MYRIP: variants seen among roughly 807,000 people sequenced by gnomAD.
The protein encoded by MYRIP is myosin VIIA and Rab interacting protein, also known as rab effector MyRIP.
In MYRIP, 49 loss-of-function variants were observed where a neutral mutation model predicts 98.0. The observed-to-expected ratio is 0.50, with a 90% CI of 0.40 to 0.63. The LOEUF is 0.63. MYRIP is among the 30% of genes least tolerant of loss of function. The pLI is 0.00. For missense variants in MYRIP, 1,004 were observed against 1,058.2 expected (o/e 0.95, Z 0.71); for synonymous variants, 404 against 409.5 (o/e 0.99, Z 0.16).
chr3:39,815,906 A>G (rs903200498), intron 1 of MYRIP, among the ~76,000 whole-genome samples: 1 of 140,986 alleles, frequency 7.1e-6, no homozygotes, highest in Non-Finnish European at 1.6e-5. Flanking sequence ...TTTTTCAATT[A>G]TGCTTATGTT....
At chr3:39,966,290 C>A (rs1415340975) in intron 2 of MYRIP, among the ~76,000 whole-genome samples, 1 of 152,102 alleles carries the variant, frequency 6.6e-6, no homozygotes, top group Non-Finnish European at 1.5e-5. Flanking sequence ...CTGAGTTTTA[C>A]CAAGAACACT....
chr3:40,050,996 T>C (rs553390976), intron 3 of MYRIP, among the ~76,000 whole-genome samples: 1 of 152,260 alleles, frequency 6.6e-6, no homozygotes, highest in Admixed American at 6.5e-5. Flanking sequence ...AAGAAAATGG[T>C]TTTTTGAAAT....
chr3:40,092,744 C>T (rs1270071149), intron 3 of MYRIP, among the ~76,000 whole-genome samples: 2 of 152,180 alleles, frequency 1.3e-5, no homozygotes, highest in Non-Finnish European at 2.9e-5. Flanking sequence ...AGTCACCCAG[C>T]AAATAAGGCA....
chr3:40,010,458 T>C (rs900585337), intron 2 of MYRIP, among the ~76,000 whole-genome samples: 6 of 152,176 alleles, frequency 3.9e-5, no homozygotes, highest in East Asian at 3.9e-4. Flanking sequence ...TTCTAAACCC[T>C]ACAGGCCTGT....
In MYRIP at chr3:40,197,405, T is replaced by C. The variant is rs375850687; in HGVS notation, c.1665+6942T>C. 1.3e-3 allele frequency among the ~76,000 whole-genome samples: 191 copies of C among 152,182 alleles called. 6 individuals carry two copies. In the South Asian group the frequency reaches 0.039, roughly 31 times the overall value. On this transcript the variant is annotated intron_variant, in intron 10 of 16. Coordinates refer to ENST00000302541, the MANE Select transcript of MYRIP (RefSeq NM_015460.4). ...GTTGGGGACCCCCTGCTCTATGCAA[T>C]CCATAACATAAACCGCTGAACACAC...
intron 2 of MYRIP, among the ~76,000 whole-genome samples, chr3:40,020,194 A>G (rs34803738): frequency 0.28 from 42,509 of 152,010 alleles, 6,627 homozygotes; most frequent in Non-Finnish European, 0.36. Flanking sequence ...CTTTATGCTC[A>G]GGTGTGCTCA....
intron 2 of MYRIP, among the ~76,000 whole-genome samples, chr3:39,955,039 C>G (rs1217716676): frequency 1.3e-5 from 2 of 152,128 alleles, no homozygotes; most frequent in South Asian, 2.1e-4. Context: ...AAGACCAAAT[C>G]TACATCTGAT....
intron 2 of MYRIP, among the ~76,000 whole-genome samples, chr3:39,982,537 A>C (rs1400954039): frequency 6.6e-6 from 1 of 152,204 alleles, no homozygotes; most frequent in South Asian, 2.1e-4. Flanking sequence ...AATAATTGCT[A>C]ATCATTATGT....
intron 3 of MYRIP, among the ~76,000 whole-genome samples, chr3:40,076,798 C>T (rs1948352870): frequency 6.6e-6 from 1 of 152,166 alleles, no homozygotes; most frequent in African/African-American, 2.4e-5. Context: ...GGCTCTGTGA[C>T]ATAAACCACG....
intron 2 of MYRIP, among the ~76,000 whole-genome samples, chr3:39,909,207 G>A (rs1201636152): frequency 1.3e-5 from 2 of 152,184 alleles, no homozygotes; most frequent in African/African-American, 4.8e-5. Context: ...TGGAGGGCAG[G>A]TGCGCAGGCC....
At chr3:40,250,181 G>C in intron 13 of MYRIP, 41 bp from the exon 14 acceptor site, 1 of 1,498,734 alleles carries the variant, frequency 6.7e-7, no homozygotes, top group Admixed American at 1.7e-5. Flanking sequence ...TTCCCCTTCC[G>C]TATTTTCTCC....
intron 2 of MYRIP, among the ~76,000 whole-genome samples, chr3:39,977,752 G>A (rs1945792274): frequency 6.6e-6 from 1 of 152,126 alleles, no homozygotes; most frequent in African/African-American, 2.4e-5. Flanking sequence ...TCTATCCTAT[G>A]TACCTTCTGC....
rs570754760 is a variant in MYRIP at position 39,926,130 on chromosome 3, G to A, written c.110+25204G>A. Among the ~76,000 whole-genome samples the A allele has an allele frequency of 1.3e-3, 200 of 152,008 alleles. 1 individual carries two copies. Among genetic ancestry groups the A allele is most frequent in the African/African-American group, 3.9e-3 (161 of 41,526 alleles). On this transcript the variant is annotated intron_variant, in intron 2 of 16. Coordinates refer to ENST00000302541, the MANE Select transcript of MYRIP (RefSeq NM_015460.4). ...TATGCTTGTTGGTTGCTTGTATGTC[G>A]TCTTTTGAAAAGTGTCTATTCATGT...
intron 1 of MYRIP, among the ~76,000 whole-genome samples, chr3:39,817,562 AT>A (rs1337078334): frequency 2.0e-5 from 3 of 152,254 alleles, no homozygotes; most frequent in Admixed American, 6.5e-5. Context: ...TTTTAATAAT[AT>A]ATTTAATTCA....
intron 1 of MYRIP, among the ~76,000 whole-genome samples, chr3:39,874,055 A>G (rs375734095): frequency 3.5e-4 from 52 of 150,636 alleles, no homozygotes; most frequent in African/African-American, 7.6e-4. Context: ...GGTCCTTCAC[A>G]TCCCTTGTAA....
rs558122517 is a variant in MYRIP at position 40,176,253 on chromosome 3, T to C, written c.874-5967T>C. Among the ~76,000 whole-genome samples the C allele has an allele frequency of 5.1e-3, 778 of 152,326 alleles. 7 individuals carry two copies. Among genetic ancestry groups the C allele is most frequent in the African/African-American group, 0.017 (725 of 41,570 alleles). ...GTGGCCGTAAGCTACAAGTGACTAT[T>C]TTAATTTAAATTAAATAAAACTAAA... On this transcript the variant is annotated intron_variant, in intron 8 of 16. Coordinates refer to ENST00000302541, the MANE Select transcript of MYRIP (RefSeq NM_015460.4).
intron 2 of MYRIP, among the ~76,000 whole-genome samples, chr3:39,994,382 G>A (rs1946276916): frequency 6.6e-6 from 1 of 152,240 alleles, no homozygotes; most frequent in African/African-American, 2.4e-5. Flanking sequence ...TGGCACACCT[G>A]GAGATTATAT....
intron 3 of MYRIP, among the ~76,000 whole-genome samples, chr3:40,102,001 C>A (rs2125892700): frequency 6.6e-6 from 1 of 152,232 alleles, no homozygotes; most frequent in South Asian, 2.1e-4. Context: ...GTCAGTAGGT[C>A]TTTTTCTTTA....
At chr3:40,081,274 T>A (rs1049405578) in intron 3 of MYRIP, among the ~76,000 whole-genome samples, 2 of 152,170 alleles carry the variant, frequency 1.3e-5, no homozygotes, top group African/African-American at 4.8e-5. Flanking sequence ...GCTGCTCAAA[T>A]CTTCTATATT....
Sources: allele counts gnomAD v4.1 joint callset (sites outside exome capture counted in the v4.1 genomes callset), GRCh38; gene constraint gnomAD v4.1.1; transcripts MANE v1.5; gene names NCBI Gene and HGNC (gene_info 2026-07-23, HGNC 2026-07-21).